The following DLC1 variants were observed in gnomAD, a reference collection of about 807,000 sequenced individuals.
The protein encoded by DLC1 is rho GTPase-activating protein 7.
A neutral mutation model predicts 140.3 loss-of-function variants in DLC1; 54 were observed. The observed-to-expected ratio is 0.38, with a 90% CI of 0.31 to 0.48. DLC1 has a LOEUF of 0.48. Among genes scored for constraint, DLC1 ranks in the 20% least tolerant of loss-of-function variants. DLC1 has a pLI of 0.96. For synonymous variants in DLC1, 986 were observed against 728.1 expected (o/e 1.35, Z -5.70); for missense variants, 2,536 against 1,907.0 (o/e 1.33, Z -6.14).
At chr8:13,428,742 A>T (rs996508155) in intron 2 of DLC1, among the ~76,000 whole-genome samples, 8 of 152,040 alleles carry the variant, frequency 5.3e-5, no homozygotes, top group African/African-American at 1.9e-4. Context: ...ATTTAACGTG[A>T]TGGGATATGG....
chr8:13,552,794 A>G (rs1021253594), intron 1 of DLC1, among the ~76,000 whole-genome samples: 34 of 151,984 alleles, frequency 2.2e-4, no homozygotes, highest in African/African-American at 7.7e-4. Context: ...ACTCACATGT[A>G]TTGTCATATT....
At chr8:13,548,721 A>G (rs535062921) in intron 1 of DLC1, among the ~76,000 whole-genome samples, 1 of 152,064 alleles carries the variant, frequency 6.6e-6, no homozygotes, top group Non-Finnish European at 1.5e-5. Context: ...ACATAGAGAT[A>G]TATCTCTAAG....
At chr8:13,455,756 A>T (rs2116999713) in intron 2 of DLC1, among the ~76,000 whole-genome samples, 1 of 152,298 alleles carries the variant, frequency 6.6e-6, no homozygotes, top group East Asian at 1.9e-4. Flanking sequence ...CATGCATGTA[A>T]TCCCAGCACT....
At chr8:13,348,006 G>T (rs147700495) in intron 4 of DLC1, among the ~76,000 whole-genome samples, 1 of 152,028 alleles carries the variant, frequency 6.6e-6, no homozygotes, top group African/African-American at 2.4e-5. Flanking sequence ...GGAGAATGGC[G>T]TGAACCCGGG....
chr8:13,212,130 A>G (rs1208087628), intron 5 of DLC1, among the ~76,000 whole-genome samples: 2 of 152,204 alleles, frequency 1.3e-5, no homozygotes, highest in Admixed American at 6.5e-5. Flanking sequence ...GAGAATTTCT[A>G]TGTTAAGAAA....
At chr8:13,552,640 A>G (rs951854722) in intron 1 of DLC1, among the ~76,000 whole-genome samples, 1 of 151,668 alleles carries the variant, frequency 6.6e-6, no homozygotes, top group Non-Finnish European at 1.5e-5. Flanking sequence ...TTCATAGAGT[A>G]TTAATTTCTG....
rs556553976 is a variant in DLC1 at position 13,281,659 on chromosome 8, C to G, written c.1348+23610G>C. Reference sequence around the variant, plus strand: ...CTTGCTCTACAACTTCTGATATATACCAAAATCACACTATCTTTCAGAGTA... The same window carrying G: ...CTTGCTCTACAACTTCTGATATATAGCAAAATCACACTATCTTTCAGAGTA... On this transcript the variant is annotated intron_variant, in intron 5 of 17. Transcript: ENST00000276297. Among the ~76,000 whole-genome samples the G allele has an allele frequency of 2.5e-4, 38 of 152,172 alleles. 1 individual carries two copies. Among genetic ancestry groups the G allele is most frequent in the South Asian group, 1.5e-3 (7 of 4,814 alleles).
chr8:13,162,002 C>T (rs994409675), intron 5 of DLC1, among the ~76,000 whole-genome samples: 5 of 152,062 alleles, frequency 3.3e-5, no homozygotes, highest in South Asian at 2.1e-4. Context: ...TTCATAGCAG[C>T]CGTTTGGTAT....
chr8:13,358,115 G>C (rs1835033908), intron 4 of DLC1, among the ~76,000 whole-genome samples: 1 of 152,058 alleles, frequency 6.6e-6, no homozygotes, highest in African/African-American at 2.4e-5. Flanking sequence ...ATTCTGTTTT[G>C]CTTTATAACA....
At chr8:13,473,889 G>C (rs1214246079) in intron 2 of DLC1, among the ~76,000 whole-genome samples, 3 of 152,176 alleles carry the variant, frequency 2.0e-5, no homozygotes, top group African/African-American at 7.2e-5. Context: ...AAGGCATTCA[G>C]TTTTATAAAG....
chr8:13,483,321 C>G (rs191975327), intron 2 of DLC1, among the ~76,000 whole-genome samples: 284 of 152,280 alleles, frequency 1.9e-3, no homozygotes, highest in Admixed American at 3.9e-3. Context: ...ATCATATTTG[C>G]AGGTTCCAGG....
At chr8:13,266,841 G>A (rs17190515) in intron 5 of DLC1, among the ~76,000 whole-genome samples, 13 of 151,958 alleles carry the variant, frequency 8.6e-5, no homozygotes, top group African/African-American at 3.1e-4. Context: ...AATTTAGAAG[G>A]CCTGATAATA....
chr8:13,196,978 A>G (rs563043057), intron 5 of DLC1, among the ~76,000 whole-genome samples: 2 of 152,316 alleles, frequency 1.3e-5, no homozygotes, highest in South Asian at 4.1e-4. Flanking sequence ...TCTTGAAAGT[A>G]TGTTTATGCA....
chr8:13,494,742 G>T (rs986788097), intron 2 of DLC1, among the ~76,000 whole-genome samples: 3 of 152,130 alleles, frequency 2.0e-5, no homozygotes, highest in African/African-American at 7.2e-5. Flanking sequence ...CTTGAGGTCA[G>T]GAGTTTGAGA....
chr8:13,543,056 C>G (rs1426355230), intron 1 of DLC1, among the ~76,000 whole-genome samples: 1 of 152,010 alleles, frequency 6.6e-6, no homozygotes, highest in African/African-American at 2.4e-5. Context: ...TGGACAAACC[C>G]TATTTGACAG....
intron 4 of DLC1, among the ~76,000 whole-genome samples, chr8:13,321,492 C>T (rs977085980): frequency 1.4e-4 from 18 of 131,190 alleles, no homozygotes; most frequent in African/African-American, 4.6e-4. Context: ...GAGCTGAGAT[C>T]GCACCACTGC....
intron 16 of DLC1, among the ~76,000 whole-genome samples, chr8:13,087,824 A>C (rs958588318): frequency 6.6e-6 from 1 of 152,248 alleles, no homozygotes; most frequent in Non-Finnish European, 1.5e-5. Flanking sequence ...CACATACATC[A>C]GCCTTAACCA....
At chr8:13,542,962 G>GC (rs1443551814) in intron 1 of DLC1, among the ~76,000 whole-genome samples, 1 of 151,974 alleles carries the variant, frequency 6.6e-6, no homozygotes, top group Non-Finnish European at 1.5e-5. Flanking sequence ...TGCACCTACT[G>GC]AAATTATGAT....
At chr8:13,408,274 A>G (rs1325089249) in intron 2 of DLC1, among the ~76,000 whole-genome samples, 1 of 152,210 alleles carries the variant, frequency 6.6e-6, no homozygotes, top group Non-Finnish European at 1.5e-5. Context: ...TGATGGATAG[A>G]TAATATTGTT....
Sources: allele counts gnomAD v4.1 joint callset (sites outside exome capture counted in the v4.1 genomes callset), GRCh38; gene constraint gnomAD v4.1.1; transcripts MANE v1.5; gene names NCBI Gene and HGNC (gene_info 2026-07-23, HGNC 2026-07-21).